The following KCNQ5 variants were observed in gnomAD, a reference collection of about 807,000 sequenced individuals.
The protein encoded by KCNQ5 is potassium voltage-gated channel subfamily KQT member 5.
KCNQ5 carries 30 observed loss-of-function variants against 98.2 expected under a neutral mutation model. The observed-to-expected ratio is 0.31, with a 90% CI of 0.23 to 0.41. The LOEUF is 0.41. KCNQ5 is among the 10% of genes least tolerant of loss of function. KCNQ5 has a pLI of 1.00. For synonymous variants in KCNQ5, 458 were observed against 449.4 expected, an observed-to-expected ratio of 1.02 and a Z score of -0.24; for missense variants, 835 against 1,182.5, an observed-to-expected ratio of 0.71 and a Z score of 4.31.
chr6:72,753,590 C>T (rs1771799888), intron 1 of KCNQ5, among the ~76,000 whole-genome samples: 2 of 152,122 alleles, frequency 1.3e-5, no homozygotes, highest in South Asian at 4.1e-4. Flanking sequence ...TCTAAACCAA[C>T]ACTTGCTGGT....
chr6:72,625,044 T>G (rs1429433907), intron 1 of KCNQ5, among the ~76,000 whole-genome samples: 1 of 152,228 alleles, frequency 6.6e-6, no homozygotes, highest in African/African-American at 2.4e-5. Flanking sequence ...TAACAGTATT[T>G]GTAGCATATT....
intron 10 of KCNQ5, chr6:73,134,822 G>A (rs1776402163): frequency 6.6e-6 from 1 of 152,260 alleles, no homozygotes; most frequent in African/African-American, 2.4e-5. Context: ...AAAAACCTCC[G>A]CCACCAACAC....
chr6:72,684,775 A>G (rs888618975), intron 1 of KCNQ5, among the ~76,000 whole-genome samples: 1 of 152,148 alleles, frequency 6.6e-6, no homozygotes, highest in African/African-American at 2.4e-5. Flanking sequence ...AAAATGTTAC[A>G]TTTGTTAATA....
intron 1 of KCNQ5, among the ~76,000 whole-genome samples, chr6:72,635,639 T>C (rs1230250497): frequency 1.3e-5 from 2 of 151,780 alleles, no homozygotes; most frequent in African/African-American, 2.4e-5. Context: ...CTTGGTCTTA[T>C]TGTATTTTTC....
chr6:73,151,390 T>A (rs962201649), intron 10 of KCNQ5, among the ~76,000 whole-genome samples: 1 of 152,230 alleles, frequency 6.6e-6, no homozygotes, highest in African/African-American at 2.4e-5. Context: ...TTCTGGTAAA[T>A]GAAGATTTCA....
At chr6:73,163,355 C>A (rs1044329327) in intron 10 of KCNQ5, among the ~76,000 whole-genome samples, 2 of 152,168 alleles carry the variant, frequency 1.3e-5, no homozygotes, top group African/African-American at 2.4e-5. Context: ...ATGATCACAC[C>A]ACTGCACTCT....
intron 1 of KCNQ5, among the ~76,000 whole-genome samples, chr6:72,995,046 C>G (rs13209609): frequency 6.6e-6 from 1 of 152,016 alleles, no homozygotes; most frequent in Non-Finnish European, 1.5e-5. Context: ...TAGAAATATT[C>G]TAGATAGAAT....
At chr6:73,032,122 C>T (rs1178802670) in intron 2 of KCNQ5, among the ~76,000 whole-genome samples, 1 of 152,186 alleles carries the variant, frequency 6.6e-6, no homozygotes, top group African/African-American at 2.4e-5. Flanking sequence ...TTATAGTCAA[C>T]TTGGCTGACA....
At chr6:72,667,255 A>G (rs1422478265) in intron 1 of KCNQ5, among the ~76,000 whole-genome samples, 1 of 152,170 alleles carries the variant, frequency 6.6e-6, no homozygotes, top group Non-Finnish European at 1.5e-5. Flanking sequence ...AAATTAAGGC[A>G]GCCACCAAAG....
At chr6:73,079,005 T>G (rs1349792042) in intron 5 of KCNQ5, among the ~76,000 whole-genome samples, 1 of 152,202 alleles carries the variant, frequency 6.6e-6, no homozygotes, top group Non-Finnish European at 1.5e-5. Flanking sequence ...AGGGGAGTTA[T>G]ATGAAAATAA....
At chr6:73,178,472 G>A (rs1000829707) in intron 11 of KCNQ5, among the ~76,000 whole-genome samples, 8 of 148,760 alleles carry the variant, frequency 5.4e-5, no homozygotes, top group Non-Finnish European at 8.9e-5. Flanking sequence ...ACTAGATCCT[G>A]CATATAAAGG....
chr6:72,833,011 C>T (rs1381207630), intron 1 of KCNQ5, among the ~76,000 whole-genome samples: 1 of 152,164 alleles, frequency 6.6e-6, no homozygotes, highest in Non-Finnish European at 1.5e-5. Context: ...TGTGCTTGTA[C>T]TTCATTGCAC....
At chr6:72,933,348 C>G (rs1422854272) in intron 1 of KCNQ5, among the ~76,000 whole-genome samples, 1 of 152,196 alleles carries the variant, frequency 6.6e-6, no homozygotes, top group Non-Finnish European at 1.5e-5. Flanking sequence ...TAGTTTCTAT[C>G]ATCTGTTGAA....
rs188115597 is a variant in KCNQ5 at position 73,192,083 on chromosome 6, A to G, written c.1710-482A>G. Reference sequence around the variant, plus strand: ...TTTTATAAAGTTGAACTGCTACAGAATTTATAGAACCAATCTTGGGTTTCT... The same window carrying G: ...TTTTATAAAGTTGAACTGCTACAGAGTTTATAGAACCAATCTTGGGTTTCT... On this transcript the variant is annotated intron_variant, in intron 12 of 13. Coordinates refer to ENST00000370398, the MANE Select transcript of KCNQ5 (RefSeq NM_019842.4). Among the ~76,000 whole-genome samples, 382 of 152,336 alleles carry G rather than the reference A, an allele frequency of 2.5e-3. 2 individuals are homozygous for G. Among genetic ancestry groups the G allele is most frequent in the African/African-American group, 8.4e-3 (351 of 41,572 alleles).
intron 1 of KCNQ5, among the ~76,000 whole-genome samples, chr6:72,947,599 A>G (rs1766608141): frequency 6.6e-6 from 1 of 152,180 alleles, no homozygotes; most frequent in African/African-American, 2.4e-5. Flanking sequence ...TCTGATAGAT[A>G]TAATTGACTG....
At chr6:72,709,131 C>A (rs372446303) in intron 1 of KCNQ5, among the ~76,000 whole-genome samples, 9 of 152,188 alleles carry the variant, frequency 5.9e-5, no homozygotes, top group Admixed American at 2.6e-4. Flanking sequence ...AGGCATGAGG[C>A]ACCATGCCCA....
chr6:72,976,516 C>T (rs896039785), intron 1 of KCNQ5, among the ~76,000 whole-genome samples: 1 of 152,204 alleles, frequency 6.6e-6, no homozygotes, highest in African/African-American at 2.4e-5. Context: ...ATGGATTTTA[C>T]AATGTCTCTT....
At chr6:73,111,539 T>G (rs1775240620) in intron 7 of KCNQ5, 136 bp downstream of exon 7, 2 of 662,232 alleles carry the variant, frequency 3.0e-6, no homozygotes, top group South Asian at 4.0e-5. Flanking sequence ...CAGAACTTAA[T>G]GTACAGTCTT....
intron 1 of KCNQ5, among the ~76,000 whole-genome samples, chr6:72,825,581 G>A (rs1775957756): frequency 6.6e-6 from 1 of 152,150 alleles, no homozygotes; most frequent in Admixed American, 6.5e-5. Flanking sequence ...TTATTTGCAA[G>A]AGGAAGAGAG....
Sources: gnomAD v4.1 joint callset for allele counts (sites outside exome capture counted in the v4.1 genomes callset) on GRCh38, gnomAD v4.1.1 for gene constraint, MANE v1.5 for transcripts, NCBI Gene and HGNC (gene_info 2026-07-23, HGNC 2026-07-21) for gene names.